Variants in ABL2 observed in about 807,000 individuals in gnomAD.
ABL2 encodes ABL proto-oncogene 2, non-receptor tyrosine kinase, also known as tyrosine-protein kinase ABL2.
Under a neutral mutation model 107.7 loss-of-function variants are expected in ABL2, and 49 were observed. The ratio of observed to expected loss-of-function variants is 0.45; its 90% CI spans 0.36 to 0.58. The LOEUF is 0.58. ABL2 is among the 20% of genes least tolerant of loss of function. The probability of loss-of-function intolerance (pLI) is 0.00; values close to 1 mark genes in which losing one functional copy is unlikely to be tolerated. For missense variants in ABL2, 1,245 were observed against 1,457.0 expected, an observed-to-expected ratio of 0.85 and a Z score of 2.37; for synonymous variants, 549 against 548.6, an observed-to-expected ratio of 1.00 and a Z score of -0.01.
At chr1:179,185,541 A>G (rs1660636279) in intron 1 of ABL2, among the ~76,000 whole-genome samples, 2 of 152,220 alleles carry the variant, frequency 1.3e-5, no homozygotes, top group African/African-American at 4.8e-5. Flanking sequence ...TCACTTTGTT[A>G]TAATAAAACT....
At chr1:179,219,959 CT>C (rs1338337178) in intron 1 of ABL2, among the ~76,000 whole-genome samples, 1 of 152,216 alleles carries the variant, frequency 6.6e-6, no homozygotes, top group East Asian at 1.9e-4. Flanking sequence ...ACCACAGTGC[CT>C]GGCACTTAAG....
At chr1:179,188,597 C>T (rs1660817804) in intron 1 of ABL2, among the ~76,000 whole-genome samples, 1 of 152,012 alleles carries the variant, frequency 6.6e-6, no homozygotes, top group African/African-American at 2.4e-5. Context: ...CTCCCTTTAC[C>T]CAGCACTATC....
chr1:179,170,923 G>C (rs1455324084), intron 1 of ABL2, among the ~76,000 whole-genome samples: 1 of 151,982 alleles, frequency 6.6e-6, no homozygotes, highest in African/African-American at 2.4e-5. Context: ...GTAGAGACAG[G>C]GTTTCACCAT....
At chr1:179,148,830 G>A (rs947718144) in intron 1 of ABL2, among the ~76,000 whole-genome samples, 5 of 151,036 alleles carry the variant, frequency 3.3e-5, no homozygotes, top group African/African-American at 9.8e-5. Flanking sequence ...AACCTGGGAG[G>A]CAGAGGTTGC....
chr1:179,189,637 G>A (rs1265261129), intron 1 of ABL2, among the ~76,000 whole-genome samples: 2 of 152,028 alleles, frequency 1.3e-5, no homozygotes, highest in Non-Finnish European at 2.9e-5. Flanking sequence ...TCTGAGGATA[G>A]AAAAAACAAA....
At position 179,109,040 on chromosome 1, in the gene ABL2, C is replaced by A; in HGVS notation, c.2227G>T (p.Gly743Cys). 6.2e-7 allele frequency: 1 copy of A among 1,608,696 alleles called. No homozygotes were observed. Among genetic ancestry groups the A allele is most frequent in the Non-Finnish European group, 8.5e-7 (1 of 1,178,714 alleles). The part of the protein sequence containing the change: ...GGGGGSGTAG[G>C]GWSGITGFFT... ...AAGCCTGTGATGCCAGACCACCCAC[C>A]CCCAGCAGTGCCACTGCCCCCACCC... Residue 743 changes from glycine to cysteine, a missense_variant, in exon 12 of 12, where the codon GGT becomes TGT. Gly to Cys is a radical substitution (Grantham distance 159). This residue lies in a region of ABL2 where 761 missense variants were observed against 766.4 expected (regional missense o/e 0.99). Transcript: ENST00000502732.
In ABL2 at chr1:179,126,933, C is replaced by G. The variant is rs1425304552; in HGVS notation, c.392-261G>C. ...CTACAGGGTTTTAAAAGTCTATATA[C>G]AACTTAAAAAATATCCTTAAGAAAT... On this transcript the variant is annotated intron_variant, in intron 3 of 11. Coordinates refer to ENST00000502732, the MANE Select transcript of ABL2 (RefSeq NM_007314.4). The surrounding 1 kb of genome is among the most constrained non-coding windows in gnomAD (Gnocchi z 4.4). Among the ~76,000 whole-genome samples, 1 of 152,024 alleles carries G rather than the reference C, an allele frequency of 6.6e-6. No homozygotes were observed. Among genetic ancestry groups the G allele is most frequent in the Non-Finnish European group, 1.5e-5 (1 of 68,018 alleles).
rs142263002 is a variant in ABL2, at chr1:179,149,088, T to C, written c.158-15714A>G. Among the ~76,000 whole-genome samples, 1,204 of 152,290 alleles carry C rather than the reference T, an allele frequency of 7.9e-3. 10 individuals are homozygous for C. The highest frequency in any genetic ancestry group is 0.027 in the African/African-American group (1,111 of 41,562). On this transcript the variant is annotated intron_variant, in intron 1 of 11. Transcript: ENST00000502732. ...ACGTCTCTCGTACAAGTTAGCCAAGTTGTGAATGCAAAGTAAAAGTTCCTG... is the reference window on the plus strand; with the variant it reads ...ACGTCTCTCGTACAAGTTAGCCAAGCTGTGAATGCAAAGTAAAAGTTCCTG...
At chr1:179,221,225 T>A in intron 1 of ABL2, 1 of 184,774 alleles carries the variant, frequency 5.4e-6, no homozygotes, top group Non-Finnish European at 1.2e-5. Context: ...GTTAGCACTG[T>A]CCTCGGACGA....
At chr1:179,137,616 A>T (rs1657158606) in intron 1 of ABL2, 1 of 152,218 alleles carries the variant, frequency 6.6e-6, no homozygotes, top group Admixed American at 6.5e-5. Flanking sequence ...TAGAAATAGT[A>T]ATAAGCAGAA....
At chr1:179,195,145 G>A (rs543860674) in intron 1 of ABL2, among the ~76,000 whole-genome samples, 14 of 152,066 alleles carry the variant, frequency 9.2e-5, no homozygotes, top group African/African-American at 2.9e-4. Context: ...AAACTTACCC[G>A]GGCATGGCAG....
At chr1:179,210,514 A>G (rs1396542598) in intron 1 of ABL2, among the ~76,000 whole-genome samples, 13 of 150,964 alleles carry the variant, frequency 8.6e-5, no homozygotes, top group East Asian at 1.9e-4. Flanking sequence ...AAAAAAAAAA[A>G]AAAAGAAAAA....
chr1:179,186,425 C>T (rs1398086117), intron 1 of ABL2, among the ~76,000 whole-genome samples: 1 of 152,050 alleles, frequency 6.6e-6, no homozygotes, highest in East Asian at 1.9e-4. Context: ...CTTGCCCAGG[C>T]TAGAGTGCAA....
chr1:179,118,532 A>C, intron 7 of ABL2, 55 bp downstream of exon 7: 1 of 1,536,740 alleles, frequency 6.5e-7, no homozygotes, highest in Non-Finnish European at 8.9e-7. Context: ...TCTTCCTTTT[A>C]TCTGCATGTC....
chr1:179,119,998 T>C (rs1655029227), intron 6 of ABL2, among the ~76,000 whole-genome samples, 192 bp downstream of exon 6: 1 of 152,000 alleles, frequency 6.6e-6, no homozygotes, highest in Non-Finnish European at 1.5e-5. Flanking sequence ...AGGCGGGGCA[T>C]GGTGGCTCAT....
intron 1 of ABL2, among the ~76,000 whole-genome samples, chr1:179,135,500 G>T (rs1206182165): frequency 7.0e-6 from 1 of 143,616 alleles, no homozygotes; most frequent in Admixed American, 6.9e-5. Context: ...CCCGGCAGCC[G>T]CCCCGTCTGA....
intron 1 of ABL2, among the ~76,000 whole-genome samples, chr1:179,139,280 G>A (rs952094631): frequency 2.8e-4 from 42 of 152,138 alleles, no homozygotes; most frequent in Admixed American, 2.3e-3. Flanking sequence ...AGCCCACCGG[G>A]AGGAACGAAC....
intron 1 of ABL2, 34 bp downstream of exon 1, chr1:179,229,207 C>CCCCCCCCCCCCCCCCCCCCCCCCCCA: frequency 6.7e-7 from 1 of 1,485,454 alleles, no homozygotes; most frequent in Non-Finnish European, 9.0e-7. Context: ...CCGGCCTCCC[C>CCCCCCCCCCCCCCCCCCCCCCCCCCA]CACGCTCTCA....
At chr1:179,211,943 T>C (rs1169997776) in intron 1 of ABL2, among the ~76,000 whole-genome samples, 1 of 152,188 alleles carries the variant, frequency 6.6e-6, no homozygotes, top group Admixed American at 6.5e-5. Flanking sequence ...TACTCTCTCC[T>C]TATGTATTTG....
Sources: gnomAD v4.1 joint callset for allele counts (sites outside exome capture counted in the v4.1 genomes callset) on GRCh38, gnomAD v4.1.1 for gene constraint, gnomAD v4.1.1 regional missense constraint, Gnocchi (gnomAD v3.1) non-coding constraint, MANE v1.5 for transcripts, NCBI Gene and HGNC (gene_info 2026-07-23, HGNC 2026-07-21) for gene names.